The following PCDH9 variants were observed in gnomAD, a reference collection of about 807,000 sequenced individuals.
The protein encoded by PCDH9 is protocadherin-9.
In PCDH9, 24 loss-of-function variants were observed where a neutral mutation model predicts 70.6. That is an observed-to-expected ratio of 0.34 (90% CI 0.25 to 0.48). The LOEUF (loss-of-function observed/expected upper bound fraction) is 0.48, where lower values mean the gene tolerates loss of function less well. Among genes scored for constraint, PCDH9 ranks in the 20% least tolerant of loss-of-function variants. The pLI, the probability that PCDH9 is intolerant of heterozygous loss-of-function variation, is 0.99. For missense variants in PCDH9, 1,281 were observed against 1,503.6 expected (o/e 0.85, Z 2.45); for synonymous variants, 562 against 558.5 (o/e 1.01, Z -0.09).
At chr13:66,441,660 G>A (rs1422896803) in intron 4 of PCDH9, among the ~76,000 whole-genome samples, 2 of 151,706 alleles carry the variant, frequency 1.3e-5, no homozygotes, top group Non-Finnish European at 2.9e-5. Flanking sequence ...AAAACATTCA[G>A]GACAAAAACT....
At chr13:66,738,726 G>A (rs1460066993) in intron 3 of PCDH9, among the ~76,000 whole-genome samples, 2 of 151,476 alleles carry the variant, frequency 1.3e-5, no homozygotes, top group East Asian at 1.9e-4. Flanking sequence ...GAGATCAACT[G>A]GAAGACAGGG....
intron 1 of PCDH9, among the ~76,000 whole-genome samples, chr13:67,229,266 C>T (rs2089955292): frequency 6.6e-6 from 1 of 152,228 alleles, no homozygotes; most frequent in Non-Finnish European, 1.5e-5. Context: ...TTCATAAACA[C>T]ATTAAAACTT....
chr13:67,033,189 A>T (rs2084940757), intron 2 of PCDH9, among the ~76,000 whole-genome samples: 1 of 152,168 alleles, frequency 6.6e-6, no homozygotes, highest in East Asian at 1.9e-4. Flanking sequence ...ACATGCTACC[A>T]ATCAGTACTT....
In PCDH9 at chr13:66,498,432, C is replaced by T. The variant is rs1959151464; in HGVS notation, c.3340+132778G>A. On this transcript the variant is annotated intron_variant, in intron 4 of 4. Coordinates refer to ENST00000377865, the MANE Select transcript of PCDH9 (RefSeq NM_203487.3). ...TTTTCCCAGTCTAATGCCCTATTTC[C>T]CAATTTGAAAAAAAAAACCACAGGC... is the stretch of plus-strand genomic sequence containing the variant. 2.0e-5 allele frequency among the ~76,000 whole-genome samples: 3 copies of T among 151,488 alleles called. 1 individual carries two copies. In the South Asian group the frequency reaches 6.2e-4, roughly 31 times the overall value.
intron 4 of PCDH9, among the ~76,000 whole-genome samples, chr13:66,331,781 C>T (rs1332420718): frequency 6.6e-6 from 1 of 152,120 alleles, no homozygotes; most frequent in Non-Finnish European, 1.5e-5. Flanking sequence ...CTTGCTCTGT[C>T]TCAGAACTTA....
intron 2 of PCDH9, chr13:67,206,848 T>A (rs559856217): frequency 3.9e-5 from 6 of 152,290 alleles, no homozygotes; most frequent in Non-Finnish European, 7.4e-5. Context: ...TCATTAGAGT[T>A]TGACTTTCCC....
At chr13:67,058,832 A>G (rs2085474537) in intron 2 of PCDH9, among the ~76,000 whole-genome samples, 1 of 152,134 alleles carries the variant, frequency 6.6e-6, no homozygotes, top group African/African-American at 2.4e-5. Flanking sequence ...ATACAGCTAG[A>G]CTGCAAATAT....
At chr13:67,078,511 A>G (rs1421004305) in intron 2 of PCDH9, among the ~76,000 whole-genome samples, 3 of 151,832 alleles carry the variant, frequency 2.0e-5, no homozygotes, top group African/African-American at 4.8e-5. Context: ...ATGTTTCTCA[A>G]CTCTGTCTTT....
chr13:67,016,794 T>C (rs1446269703), intron 2 of PCDH9, among the ~76,000 whole-genome samples: 1 of 152,222 alleles, frequency 6.6e-6, no homozygotes, highest in Non-Finnish European at 1.5e-5. Flanking sequence ...ATGAAAAGCA[T>C]TTGCTCTTTT....
At chr13:66,514,269 C>T (rs957984483) in intron 4 of PCDH9, among the ~76,000 whole-genome samples, 13 of 151,876 alleles carry the variant, frequency 8.6e-5, no homozygotes, top group African/African-American at 2.7e-4. Flanking sequence ...TAATGTAATC[C>T]AATAAAATCT....
intron 2 of PCDH9, chr13:67,202,451 T>A (rs1216466416): frequency 6.6e-6 from 1 of 152,072 alleles, no homozygotes; most frequent in Non-Finnish European, 1.5e-5. Flanking sequence ...TAAGAGCACA[T>A]CTAATAACAA....
intron 3 of PCDH9, among the ~76,000 whole-genome samples, chr13:66,688,058 A>C (rs372610310): frequency 3.5e-4 from 53 of 152,204 alleles, no homozygotes; most frequent in East Asian, 3.1e-3. Flanking sequence ...CCTCTTCCAA[A>C]GCCCATCTTG....
At chr13:67,049,350 G>A (rs2085280913) in intron 2 of PCDH9, among the ~76,000 whole-genome samples, 1 of 152,128 alleles carries the variant, frequency 6.6e-6, no homozygotes, top group African/African-American at 2.4e-5. Flanking sequence ...TGTAAACTGT[G>A]AAAAATTAAC....
chr13:66,700,552 T>A (rs2078624605), intron 3 of PCDH9, among the ~76,000 whole-genome samples: 1 of 152,100 alleles, frequency 6.6e-6, no homozygotes, highest in African/African-American at 2.4e-5. Flanking sequence ...AAGAATTCTC[T>A]GTGAGTAATT....
intron 4 of PCDH9, among the ~76,000 whole-genome samples, chr13:66,565,884 G>C (rs1294731705): frequency 1.1e-4 from 16 of 152,140 alleles, no homozygotes; most frequent in Admixed American, 1.0e-3. Context: ...AAAGCTGCTT[G>C]GGAGAGAAGC....
chr13:66,621,714 CA>C (rs980765689), intron 4 of PCDH9, among the ~76,000 whole-genome samples: 3 of 152,180 alleles, frequency 2.0e-5, no homozygotes, highest in Admixed American at 1.3e-4. Flanking sequence ...CAAAGCAAAA[CA>C]AAAACACTAA....
chr13:67,021,920 G>A lies in PCDH9; in HGVS notation c.3037-118315C>T, dbSNP rs116608579. Among the ~76,000 whole-genome samples, 525 of 151,872 alleles carry A rather than the reference G, an allele frequency of 3.5e-3. 2 individuals are homozygous for A. Among genetic ancestry groups the A allele is most frequent in the African/African-American group, 0.012 (480 of 41,404 alleles). On this transcript the variant is annotated intron_variant, in intron 2 of 4. Transcript: ENST00000377865. Reference sequence around the variant, plus strand: ...TTTCTCTATGTGTATATATATGTATGTAGGTGTATATATAAGTATGTATAT... The same window carrying A: ...TTTCTCTATGTGTATATATATGTATATAGGTGTATATATAAGTATGTATAT...
chr13:66,539,073 A>G (rs1340721064), intron 4 of PCDH9, among the ~76,000 whole-genome samples: 1 of 152,116 alleles, frequency 6.6e-6, no homozygotes, highest in Non-Finnish European at 1.5e-5. Context: ...ACAACAAAAT[A>G]TATGTACATA....
At chr13:66,862,760 T>C (rs1469205148) in intron 3 of PCDH9, among the ~76,000 whole-genome samples, 1 of 152,232 alleles carries the variant, frequency 6.6e-6, no homozygotes, top group Non-Finnish European at 1.5e-5. Flanking sequence ...TGACTCATCA[T>C]TGTTGTGTCT....
Sources: allele counts gnomAD v4.1 joint callset (sites outside exome capture counted in the v4.1 genomes callset), GRCh38; gene constraint gnomAD v4.1.1; transcripts MANE v1.5; gene names NCBI Gene and HGNC (gene_info 2026-07-23, HGNC 2026-07-21).